Variants in RNF130 observed in about 807,000 individuals in gnomAD.
RNF130 encodes the protein E3 ubiquitin-protein ligase RNF130.
In RNF130, 21 loss-of-function variants were observed where a neutral mutation model predicts 44.6. The observed-to-expected ratio is 0.47, with a 90% CI of 0.33 to 0.68. The LOEUF (loss-of-function observed/expected upper bound fraction) is 0.68. RNF130 is among the 30% of genes least tolerant of loss of function. The pLI is 0.02. For synonymous variants in RNF130, 214 were observed against 210.4 expected (o/e 1.02, Z -0.15); for missense variants, 479 against 560.6 (o/e 0.85, Z 1.47).
chr5:179,997,717 T>C (rs1379345252), intron 3 of RNF130, among the ~76,000 whole-genome samples: 1 of 152,166 alleles, frequency 6.6e-6, no homozygotes, highest in Non-Finnish European at 1.5e-5. Context: ...TCAGTCTACC[T>C]TGGCCTCCCA....
At chr5:179,945,274 GTGCTGACT>G (rs1762021257) in intron 7 of RNF130, among the ~76,000 whole-genome samples, 1 of 149,702 alleles carries the variant, frequency 6.7e-6, no homozygotes, top group Non-Finnish European at 1.5e-5. Flanking sequence ...CCTGCAGGGT[GTGCTGACT>G]GCACCTGGGA....
chr5:179,999,520 G>A (rs1018278957), intron 3 of RNF130, among the ~76,000 whole-genome samples: 14 of 151,754 alleles, frequency 9.2e-5, no homozygotes, highest in Admixed American at 6.6e-4. Context: ...TCAGGATTTC[G>A]AGATCAGCCT....
At chr5:179,921,115 A>C (rs1038954109) in intron 7 of RNF130, among the ~76,000 whole-genome samples, 1 of 152,172 alleles carries the variant, frequency 6.6e-6, no homozygotes, top group Non-Finnish European at 1.5e-5. Context: ...TTTAAGCTTT[A>C]CTGGGGTATA....
intron 1 of RNF130, among the ~76,000 whole-genome samples, chr5:180,056,686 T>A (rs78282770): frequency 0.1 from 15,903 of 152,218 alleles, 1,043 homozygotes; most frequent in East Asian, 0.21. Flanking sequence ...GACACTCAAA[T>A]GTATTCCCAA....
chr5:180,008,520 G>A (rs1316809724), intron 3 of RNF130, among the ~76,000 whole-genome samples: 1 of 152,138 alleles, frequency 6.6e-6, no homozygotes. Flanking sequence ...AGAAACAGAA[G>A]AGAACTGAAA....
At chr5:180,030,267 TAAG>T (rs1764100040) in intron 2 of RNF130, among the ~76,000 whole-genome samples, 1 of 152,232 alleles carries the variant, frequency 6.6e-6, no homozygotes, top group Non-Finnish European at 1.5e-5. Context: ...TCTCTCCAAG[TAAG>T]AATACTTGAG....
intron 1 of RNF130, among the ~76,000 whole-genome samples, chr5:180,052,858 GTC>G (rs889423257): frequency 1.2e-4 from 18 of 152,124 alleles, no homozygotes; most frequent in Non-Finnish European, 2.1e-4. Flanking sequence ...AATCTGAGAC[GTC>G]CATAAACCAA....
At chr5:179,960,845 G>GAAA (rs5873676) in intron 8 of RNF130, among the ~76,000 whole-genome samples, 1 of 147,910 alleles carries the variant, frequency 6.8e-6, no homozygotes. Context: ...CAATTAAGGT[G>GAAA]AAAAAAAAAA....
At chr5:179,934,157 T>C (rs1426500282) in intron 7 of RNF130, 1 of 200,356 alleles carries the variant, frequency 5.0e-6, no homozygotes, top group Non-Finnish European at 1.0e-5. Context: ...ACATTGTGGA[T>C]GCTCTTGAGA....
chr5:179,912,225 G>A (rs1426117074), exon 8 of RNF130: 1 of 152,182 alleles, frequency 6.6e-6, no homozygotes, highest in Non-Finnish European at 1.5e-5. Context: ...AATATTTTAT[G>A]AGTATAAAAG....
At chr5:179,944,872 A>G (rs1196330705) in intron 7 of RNF130, among the ~76,000 whole-genome samples, 1 of 152,108 alleles carries the variant, frequency 6.6e-6, no homozygotes, top group African/African-American at 2.4e-5. Context: ...CATTATTTCT[A>G]GCATGACAGC....
At chr5:179,957,906 C>T (rs1762244906) in intron 8 of RNF130, among the ~76,000 whole-genome samples, 1 of 149,044 alleles carries the variant, frequency 6.7e-6, no homozygotes, top group Non-Finnish European at 1.5e-5. Flanking sequence ...GAGACGGAGT[C>T]TCGCTCTGTC....
intron 3 of RNF130, among the ~76,000 whole-genome samples, chr5:179,984,747 C>A (rs1339728238): frequency 1.3e-5 from 2 of 152,036 alleles, no homozygotes; most frequent in Non-Finnish European, 2.9e-5. Flanking sequence ...GATACTGGTG[C>A]CATACAATGA....
intron 3 of RNF130, among the ~76,000 whole-genome samples, chr5:180,010,202 C>G (rs938153667): frequency 7.1e-5 from 10 of 140,768 alleles, no homozygotes; most frequent in Non-Finnish European, 1.2e-4. Context: ...AGCTGAGATC[C>G]AGCCGCTGCA....
exon 8 of RNF130, chr5:179,918,737 C>CT (rs1187800379): frequency 6.6e-6 from 1 of 151,866 alleles, no homozygotes; most frequent in East Asian, 1.9e-4. Context: ...CTGCTAAGAC[C>CT]TTTAAAATCT....
chr5:180,015,037 A>G (rs1763685741), intron 2 of RNF130, among the ~76,000 whole-genome samples: 1 of 152,222 alleles, frequency 6.6e-6, no homozygotes, highest in Non-Finnish European at 1.5e-5. Context: ...ATGTAACCCA[A>G]TGGAACATAT....
chr5:180,012,899 T>A (rs1325081489), intron 3 of RNF130, among the ~76,000 whole-genome samples, 162 bp downstream of exon 3: 1 of 152,200 alleles, frequency 6.6e-6, no homozygotes. Context: ...ATTTTAAATA[T>A]CCCTTAAATA....
chr5:180,051,098 T>C (rs1764676445), intron 1 of RNF130, among the ~76,000 whole-genome samples: 1 of 151,904 alleles, frequency 6.6e-6, no homozygotes, highest in Non-Finnish European at 1.5e-5. Flanking sequence ...CCACCAAACC[T>C]GGCCAATTCT....
intron 7 of RNF130, among the ~76,000 whole-genome samples, chr5:179,942,540 T>G (rs941321795): frequency 6.6e-6 from 1 of 152,204 alleles, no homozygotes; most frequent in African/African-American, 2.4e-5. Flanking sequence ...AGCTGAGCCT[T>G]GAAACTGCAA....
Sources: gnomAD v4.1 joint callset for allele counts (sites outside exome capture counted in the v4.1 genomes callset) on GRCh38, gnomAD v4.1.1 for gene constraint, MANE v1.5 for transcripts, NCBI Gene and HGNC (gene_info 2026-07-23, HGNC 2026-07-21) for gene names.